The following SP140 variants were observed in gnomAD, a reference collection of about 807,000 sequenced individuals.
SP140 encodes the protein nuclear body protein SP140.
In SP140, 81 loss-of-function variants were observed where a neutral mutation model predicts 125.0. That is an observed-to-expected ratio of 0.65 (90% CI 0.54 to 0.78). SP140 has a LOEUF of 0.78. SP140 is among the 30% of genes least tolerant of loss of function. SP140 has a pLI of 0.00. For synonymous variants in SP140, 312 were observed against 354.0 expected (o/e 0.88, Z 1.33); for missense variants, 858 against 1,037.0 (o/e 0.83, Z 2.37).
chr2:230,290,414 C>T (rs763032496), intron 18 of SP140, 46 bp from the exon 19 acceptor site: 30 of 1,552,426 alleles, frequency 1.9e-5, no homozygotes, highest in Middle Eastern at 3.5e-4. Context: ...GGAGGGGGGA[C>T]GTGCCTTTGC....
At chr2:230,290,202 G>C (rs1013197407) in intron 18 of SP140, among the ~76,000 whole-genome samples, 2 of 152,166 alleles carry the variant, frequency 1.3e-5, no homozygotes, top group Admixed American at 6.5e-5. Flanking sequence ...ACGAGATTAG[G>C]AGTTAAACCA....
intron 3 of SP140, 163 bp downstream of exon 3, chr2:230,238,544 T>C: frequency 1.3e-6 from 1 of 783,552 alleles, no homozygotes; most frequent in Non-Finnish European, 2.0e-6. Flanking sequence ...TCCCATGTCC[T>C]TATGGAGTTT....
chr2:230,293,620 G>A (rs1217701382), intron 20 of SP140, among the ~76,000 whole-genome samples: 1 of 151,728 alleles, frequency 6.6e-6, no homozygotes, highest in Non-Finnish European at 1.5e-5. Context: ...ACAGGCGACA[G>A]CCACCCCGCC....
At chr2:230,303,167 T>C (rs1040604055) in intron 22 of SP140, among the ~76,000 whole-genome samples, 1 of 152,176 alleles carries the variant, frequency 6.6e-6, no homozygotes, top group Non-Finnish European at 1.5e-5. Context: ...TTAGCAAGAT[T>C]AACCAAGAAA....
Position 230,247,933 on chromosome 2 carries a change from A to G in SP140, c.760A>G (p.Met254Val). The G allele has an allele frequency of 6.2e-7, 1 of 1,613,726 alleles. No homozygotes were observed. The highest frequency in any genetic ancestry group is 2.2e-5 in the East Asian group (1 of 44,876). Residue 254 changes from methionine (M) to valine (V), a missense_variant, in exon 8 of 27, where the codon ATG becomes GTG. This residue lies in a region of SP140 where 791 missense variants were observed against 869.5 expected (regional missense o/e 0.91). Transcript: ENST00000392045. ...ATCCCTAGTTCTAGAAAGCAACGGG[A>G]TGATAGATGCGGCAAGGACATACAG... ...YDTEVLESNG[M>V]IDAARTYSTA...
In SP140 at chr2:230,253,282, G is replaced by A. The variant is rs745501175; in HGVS notation, c.1058-34G>A. ...TCTTGGATGGCGTGAATGCACTGAG[G>A]TCTGTGTCCAAGTCACCCTCTGTGG... On this transcript the variant is annotated intron_variant, in intron 10 of 26. Transcript: ENST00000392045. The A allele has an allele frequency of 4.7e-6, 7 of 1,479,888 alleles. No homozygotes were observed. The South Asian group carries it at 6.8e-5, about 14-fold the overall frequency. The allele number at this position is 1,479,888 out of a possible 1,614,324, so 91.7% of individuals were successfully genotyped here.
chr2:230,229,254 CATTT>C (rs1278418887), intron 1 of SP140, among the ~76,000 whole-genome samples: 1 of 151,674 alleles, frequency 6.6e-6, no homozygotes, highest in Admixed American at 6.6e-5. Flanking sequence ...CCAGTCATTC[CATTT>C]ATTTATGTCC....
At chr2:230,278,778 T>C (rs1179064964) in intron 15 of SP140, among the ~76,000 whole-genome samples, 1 of 152,084 alleles carries the variant, frequency 6.6e-6, no homozygotes, top group African/African-American at 2.4e-5. Context: ...TATTTATTCT[T>C]GGCACCCTTG....
intron 12 of SP140, among the ~76,000 whole-genome samples, chr2:230,266,517 C>T (rs2053153732): frequency 6.6e-6 from 1 of 152,206 alleles, no homozygotes; most frequent in Non-Finnish European, 1.5e-5. Flanking sequence ...CTACAATACC[C>T]ACTTGTTATC....
At chr2:230,222,229 C>CAAAAA (rs1204772131), upstream of SP140, among the ~76,000 whole-genome samples, 1 of 77,292 alleles carries the variant, frequency 1.3e-5, no homozygotes. Flanking sequence ...GATCCCGCCT[C>CAAAAA]AAAAAAAAAA....
At chr2:230,316,045 C>A (rs6713654), downstream of SP140, among the ~76,000 whole-genome samples, 2,453 of 152,296 alleles carry the variant, frequency 0.016, 67 homozygotes, top group African/African-American at 0.055. Flanking sequence ...TATATCCTTA[C>A]GGTCTTGCTC....
intron 1 of SP140, among the ~76,000 whole-genome samples, chr2:230,226,599 C>T (rs1054535204): frequency 3.3e-5 from 5 of 151,878 alleles, no homozygotes; most frequent in African/African-American, 4.8e-5. Context: ...CCTGTCTTTA[C>T]TAAAAATACA....
intron 10 of SP140, among the ~76,000 whole-genome samples, chr2:230,251,492 C>G (rs937143370): frequency 6.6e-6 from 1 of 152,076 alleles, no homozygotes; most frequent in African/African-American, 2.4e-5. Context: ...TCAGAATATG[C>G]TAGGAGGAAA....
Position 230,305,147 on chromosome 2 carries a change from GA to G in SP140, c.2059-4771del, listed in dbSNP as rs571945634. On this transcript the variant is annotated intron_variant, in intron 22 of 26. Transcript: ENST00000392045. Reference sequence around the variant, plus strand: ...AGATATACAAATGGCCAACGAACATGAAAAAATGCTCAGCATCACTAATTAT... The same window carrying G: ...AGATATACAAATGGCCAACGAACATGAAAAATGCTCAGCATCACTAATTAT... Among the ~76,000 whole-genome samples, 390 of 152,262 alleles carry G rather than the reference GA, an allele frequency of 2.6e-3. 2 individuals are homozygous for G. The highest frequency in any genetic ancestry group is 4.0e-3 in the Non-Finnish European group (271 of 68,008).
chr2:230,204,574 A>G (rs887184956), intron 1 of SP140, among the ~76,000 whole-genome samples: 8 of 152,072 alleles, frequency 5.3e-5, no homozygotes, highest in African/African-American at 1.9e-4. Context: ...CATTATTCAA[A>G]TTTTGGGTTA....
intron 12 of SP140, among the ~76,000 whole-genome samples, chr2:230,266,316 T>G (rs1469520557): frequency 6.6e-6 from 1 of 152,248 alleles, no homozygotes; most frequent in African/African-American, 2.4e-5. Context: ...ATGTCCATTT[T>G]TGCCCAACTC....
the SP140 span, among the ~76,000 whole-genome samples, chr2:230,197,004 C>G: frequency 2.0e-5 from 3 of 150,818 alleles, no homozygotes; most frequent in Non-Finnish European, 3.0e-5. Flanking sequence ...AATAAACATA[C>G]GTGTGCATGT....
At chr2:230,235,319 C>T (rs2047811472) in intron 1 of SP140, among the ~76,000 whole-genome samples, 1 of 152,100 alleles carries the variant, frequency 6.6e-6, no homozygotes, top group Admixed American at 6.5e-5. Flanking sequence ...CAATGAGTAC[C>T]CCTCAGACCA....
chr2:230,285,411 G>A (rs569294916), intron 16 of SP140, among the ~76,000 whole-genome samples: 1 of 152,018 alleles, frequency 6.6e-6, no homozygotes, highest in South Asian at 2.1e-4. Context: ...AGCTTTGTTT[G>A]GAAAGAAAAA....
Sources: allele counts gnomAD v4.1 joint callset (sites outside exome capture counted in the v4.1 genomes callset), GRCh38; gene constraint gnomAD v4.1.1; regional missense constraint gnomAD v4.1.1; transcripts MANE v1.5; gene names NCBI Gene and HGNC (gene_info 2026-07-23, HGNC 2026-07-21).